The following MACROD1 variants were observed in gnomAD, a reference collection of about 807,000 sequenced individuals.
MACROD1 encodes the protein mono-ADP ribosylhydrolase 1, also known as ADP-ribose glycohydrolase MACROD1.
Under a neutral mutation model 41.4 loss-of-function variants are expected in MACROD1, and 31 were observed. That is an observed-to-expected ratio of 0.75 (90% CI 0.56 to 1.01). MACROD1 has a LOEUF of 1.01. Ranked by LOEUF, MACROD1 falls within the 50% of genes least tolerant of loss-of-function variation. The probability of loss-of-function intolerance (pLI) is 0.00; values close to 1 mark genes in which losing one functional copy is unlikely to be tolerated. For missense variants in MACROD1, 473 were observed against 460.0 expected (o/e 1.03, Z -0.26); for synonymous variants, 252 against 203.4 (o/e 1.24, Z -2.03).
At chr11:64,066,552 A>G (rs1944009407) in intron 3 of MACROD1, among the ~76,000 whole-genome samples, 1 of 151,832 alleles carries the variant, frequency 6.6e-6, no homozygotes, top group Admixed American at 6.6e-5. Context: ...CTGGGAGGTC[A>G]AGGCTACAGT....
chr11:64,165,132 G>C (rs566304239), intron 1 of MACROD1, among the ~76,000 whole-genome samples: 5 of 152,244 alleles, frequency 3.3e-5, no homozygotes, highest in Admixed American at 2.6e-4. Flanking sequence ...CAGAGTGCGG[G>C]CTTGGGGTGG....
chr11:64,152,418 G>T lies in MACROD1; in HGVS notation c.299-25C>A, dbSNP rs544625946. ...GCTGCAGAGGCAGGAAGGAGGATCA[G>T]GGTGGGGGCAGAGGAACGGGCCTGG... On this transcript the variant is annotated intron_variant, in intron 1 of 10. Transcript: ENST00000255681. 1.6e-5 allele frequency: 26 copies of T among 1,589,538 alleles called. No individual in the cohort carries two copies. In the South Asian group the frequency reaches 2.6e-4, roughly 16 times the overall value.
intron 3 of MACROD1, among the ~76,000 whole-genome samples, chr11:64,130,456 T>A (rs1229309033): frequency 6.6e-6 from 1 of 151,572 alleles, no homozygotes; most frequent in Non-Finnish European, 1.5e-5. Flanking sequence ...CCAGGAGGGG[T>A]CTCTGGCCTC....
intron 1 of MACROD1, among the ~76,000 whole-genome samples, chr11:64,153,159 G>A (rs1033560483): frequency 6.6e-6 from 1 of 152,148 alleles, no homozygotes; most frequent in Non-Finnish European, 1.5e-5. Flanking sequence ...TCCCTTGGGG[G>A]TGGCACCAGG....
intron 1 of MACROD1, among the ~76,000 whole-genome samples, chr11:64,165,377 G>A (rs1327352381): frequency 2.6e-5 from 4 of 152,258 alleles, no homozygotes; most frequent in Non-Finnish European, 5.9e-5. Flanking sequence ...GCACAGGGAA[G>A]GAAGTTGGTA....
chr11:64,148,523 T>C (rs144017270), intron 3 of MACROD1, among the ~76,000 whole-genome samples: 1 of 152,186 alleles, frequency 6.6e-6, no homozygotes, highest in African/African-American at 2.4e-5. Flanking sequence ...AAATATAAAT[T>C]TAAAAATCCC....
At chr11:64,024,999 CAG>C (rs1402873256) in intron 3 of MACROD1, among the ~76,000 whole-genome samples, 2 of 152,066 alleles carry the variant, frequency 1.3e-5, no homozygotes, top group East Asian at 1.9e-4. Context: ...TTTTTTGAGA[CAG>C]AGTCTCACTC....
rs143436975 is a variant in MACROD1, at chr11:64,026,793, C to T, written c.518-11512G>A. On this transcript the variant is annotated intron_variant, in intron 3 of 10. Transcript: ENST00000255681. The stretch of plus-strand genomic sequence containing the variant: ...CCCAGGGCCTTTGCACATACGTTTC[C>T]CTCTGCCTGGCACACTCTTCCAGCT... Among the ~76,000 whole-genome samples, 596 of 152,188 alleles carry T rather than the reference C, an allele frequency of 3.9e-3. 7 individuals carry two copies. The highest frequency in any genetic ancestry group is 0.014 in the African/African-American group (569 of 41,524).
At chr11:64,101,677 C>T (rs1944673392) in intron 3 of MACROD1, among the ~76,000 whole-genome samples, 1 of 152,186 alleles carries the variant, frequency 6.6e-6, no homozygotes, top group Non-Finnish European at 1.5e-5. Context: ...AATAAGGGCT[C>T]GTGCTAGAGC....
chr11:64,088,019 C>T (rs902955763), intron 3 of MACROD1, among the ~76,000 whole-genome samples: 3 of 152,154 alleles, frequency 2.0e-5, no homozygotes, highest in Non-Finnish European at 2.9e-5. Flanking sequence ...GGAAACACCC[C>T]GGTGGTGGAG....
At chr11:64,028,567 C>A (rs1327086397) in intron 3 of MACROD1, among the ~76,000 whole-genome samples, 1 of 152,218 alleles carries the variant, frequency 6.6e-6, no homozygotes, top group Non-Finnish European at 1.5e-5. Context: ...GCTCCCTCCG[C>A]GGCCCAGCCT....
chr11:64,092,836 G>A (rs1037478755), intron 3 of MACROD1, among the ~76,000 whole-genome samples: 2 of 152,248 alleles, frequency 1.3e-5, no homozygotes, highest in Admixed American at 1.3e-4. Context: ...ACGCTGGGAG[G>A]TTAACACGTG....
intron 3 of MACROD1, among the ~76,000 whole-genome samples, chr11:64,062,220 C>G (rs1943918579): frequency 1.3e-5 from 2 of 152,072 alleles, no homozygotes; most frequent in South Asian, 2.1e-4. Context: ...TTCCACCTCC[C>G]CTTTGCTTCT....
At chr11:64,032,446 A>G (rs1202292858) in intron 3 of MACROD1, among the ~76,000 whole-genome samples, 2 of 152,114 alleles carry the variant, frequency 1.3e-5, no homozygotes, top group Non-Finnish European at 2.9e-5. Context: ...TAGGGGCTCC[A>G]GAGAGGGTAG....
intron 3 of MACROD1, among the ~76,000 whole-genome samples, chr11:64,063,659 T>C (rs1355699493): frequency 6.6e-6 from 1 of 152,052 alleles, no homozygotes; most frequent in Non-Finnish European, 1.5e-5. Flanking sequence ...CGTGGGAGTG[T>C]GTGCTGGATG....
At chr11:64,085,301 A>G (rs115903832) in intron 3 of MACROD1, among the ~76,000 whole-genome samples, 1,625 of 152,264 alleles carry the variant, frequency 0.011, 31 homozygotes, top group African/African-American at 0.036. Context: ...TGTCCTGTTC[A>G]ATTTTGAACT....
At chr11:64,027,912 G>A (rs781708696) in intron 3 of MACROD1, among the ~76,000 whole-genome samples, 2 of 152,248 alleles carry the variant, frequency 1.3e-5, no homozygotes, top group Non-Finnish European at 2.9e-5. Flanking sequence ...AGAATAGGAA[G>A]TGTTGCACCA....
intron 3 of MACROD1, among the ~76,000 whole-genome samples, chr11:64,132,694 T>C (rs924444481): frequency 2.0e-5 from 3 of 152,176 alleles, no homozygotes; most frequent in African/African-American, 7.2e-5. Context: ...GGTCTCCTAA[T>C]GAATGTGGCT....
At chr11:64,101,026 G>A (rs1171500323) in intron 3 of MACROD1, among the ~76,000 whole-genome samples, 1 of 152,130 alleles carries the variant, frequency 6.6e-6, no homozygotes, top group Admixed American at 6.5e-5. Context: ...CCAGGTGCTG[G>A]GGGATCCAGC....
Sources: gnomAD v4.1 joint callset for allele counts (sites outside exome capture counted in the v4.1 genomes callset) on GRCh38, gnomAD v4.1.1 for gene constraint, MANE v1.5 for transcripts, NCBI Gene and HGNC (gene_info 2026-07-23, HGNC 2026-07-21) for gene names.